Variants in UBE3C observed in about 807,000 individuals in gnomAD.
UBE3C encodes ubiquitin protein ligase E3C.
UBE3C carries 42 observed loss-of-function variants against 129.4 expected under a neutral mutation model. That is an observed-to-expected ratio of 0.32 (90% CI 0.25 to 0.42). The LOEUF is 0.42. UBE3C is among the 10% of genes least tolerant of loss of function. UBE3C has a pLI of 1.00. For missense variants in UBE3C, 1,049 were observed against 1,319.1 expected, an observed-to-expected ratio of 0.80 and a Z score of 3.17; for synonymous variants, 510 against 492.4, an observed-to-expected ratio of 1.04 and a Z score of -0.47.
chr7:157,249,763 A>G (rs1033926089), intron 19 of UBE3C, among the ~76,000 whole-genome samples: 1 of 152,236 alleles, frequency 6.6e-6, no homozygotes, highest in Non-Finnish European at 1.5e-5. Context: ...TGTTTGGGCT[A>G]ATAAGAATAT....
At chr7:157,257,196 A>G (rs113851266) in intron 22 of UBE3C, 152 bp downstream of exon 22, 168 of 1,146,532 alleles carry the variant, frequency 1.5e-4, no homozygotes, top group Non-Finnish European at 1.8e-4. Context: ...TGATGTATAT[A>G]TTTTGGTGCT....
rs544047048 is a variant in UBE3C at position 157,162,369 on chromosome 7, A to T, written c.67-1441A>T. Among the ~76,000 whole-genome samples the T allele has an allele frequency of 9.9e-5, 15 of 151,490 alleles. No homozygotes were observed. The South Asian group carries it at 1.5e-3, about 15-fold the overall frequency. On this transcript the variant is annotated intron_variant, in intron 1 of 22. Coordinates refer to ENST00000348165, the MANE Select transcript of UBE3C (RefSeq NM_014671.3). Reference sequence around the variant, plus strand: ...GCCACCATGCCCGGCTAATTTTTGTATTTTTAGTAGAGACGGGGTTTCACT... The same window carrying T: ...GCCACCATGCCCGGCTAATTTTTGTTTTTTTAGTAGAGACGGGGTTTCACT...
chr7:157,241,605 A>G (rs761447397), intron 18 of UBE3C, among the ~76,000 whole-genome samples: 1 of 152,260 alleles, frequency 6.6e-6, no homozygotes, highest in Non-Finnish European at 1.5e-5. Context: ...TGCATTGCCA[A>G]TGGGAAGATA....
rs556005063 is a variant in UBE3C at position 157,193,085 on chromosome 7, C to T, written c.1331+6064C>T. 1.9e-4 allele frequency among the ~76,000 whole-genome samples: 29 copies of T among 152,294 alleles called. 1 individual carries two copies. The South Asian group carries it at 5.6e-3, about 29-fold the overall frequency. Reference sequence around the variant, plus strand: ...GCGCGCCTGAGTGTCTAAGGCTTACCTCCTACTCTTAGCTCCTAGTTTGTG... The same window carrying T: ...GCGCGCCTGAGTGTCTAAGGCTTACTTCCTACTCTTAGCTCCTAGTTTGTG... On this transcript the variant is annotated intron_variant, in intron 10 of 22. Coordinates refer to ENST00000348165, the MANE Select transcript of UBE3C (RefSeq NM_014671.3).
chr7:157,166,792 A>T (rs1167750998), intron 2 of UBE3C, among the ~76,000 whole-genome samples: 1 of 150,884 alleles, frequency 6.6e-6, no homozygotes, highest in Non-Finnish European at 1.5e-5. Flanking sequence ...TTTCTATTTG[A>T]TTAAAATCTA....
At position 157,187,097 on chromosome 7, in the gene UBE3C, C is replaced by T; in HGVS notation, c.1331+76C>T. 3.4e-6 allele frequency: 5 copies of T among 1,467,826 alleles called. No homozygotes were observed. The South Asian group carries it at 5.4e-5, about 16-fold the overall frequency. The allele number at this position is 1,467,826 out of a possible 1,614,324, so 90.9% of individuals were successfully genotyped here. ...CTTCCTCCCTGGGAATTGCTCTCCT[C>T]TTAAGTTTTGTCTGCTCTTTTCTGG... On this transcript the variant is annotated intron_variant, in intron 10 of 22. Coordinates refer to ENST00000348165, the MANE Select transcript of UBE3C (RefSeq NM_014671.3).
chr7:157,177,891 G>A lies in UBE3C; in HGVS notation c.459-799G>A, dbSNP rs142728400. ...GTGAGGCATTGAAACAGCCTCCTGG[G>A]TCCCTCATTAAAGGTGATGTGTGGT... On this transcript the variant is annotated intron_variant, in intron 5 of 22. Coordinates refer to ENST00000348165, the MANE Select transcript of UBE3C (RefSeq NM_014671.3). 1.6e-4 allele frequency among the ~76,000 whole-genome samples: 24 copies of A among 151,446 alleles called. No homozygotes were observed. In the East Asian group the frequency reaches 4.5e-3, roughly 28 times the overall value.
rs372997452 is a variant in UBE3C at position 157,248,589 on chromosome 7, T to A, written c.2694+9T>A. The stretch of plus-strand genomic sequence containing the variant: ...ACCTGGGAGAGGCGCAGGTGAGGGG[T>A]CAGGAGGAGGATTCACATACCTGTA... On this transcript the variant is annotated intron_variant, in intron 19 of 22. Transcript: ENST00000348165. 7 of 1,611,780 alleles carry A rather than the reference T, an allele frequency of 4.3e-6. No homozygotes were observed. Among genetic ancestry groups the A allele is most frequent in the African/African-American group, 1.3e-5 (1 of 74,810 alleles).
chr7:157,179,706 G>A (rs775589422), intron 6 of UBE3C, among the ~76,000 whole-genome samples: 1 of 152,202 alleles, frequency 6.6e-6, no homozygotes, highest in African/African-American at 2.4e-5. Context: ...ATAAGCAGCT[G>A]TGCTTTCCTT....
rs560281237 is a variant in UBE3C at position 157,207,462 on chromosome 7, C to G, written c.1483C>G (p.Arg495Gly). The stretch of plus-strand genomic sequence containing the variant: ...TCCTATGTCTTTTGAAGATTCTAGT[C>G]GAATCATCCCACTCTTTTATCTTTT... ...GSPMSFEDSS[R>G]IIPLFYLFSS... Residue 495 changes from arginine (R) to glycine (G), a missense_variant, in exon 12 of 23, where the codon CGA becomes GGA. Arg to Gly is a moderately radical substitution (Grantham distance 125). Transcript: ENST00000348165. The G allele has an allele frequency of 6.8e-6, 11 of 1,613,878 alleles. No homozygotes were observed. In the Admixed American group the frequency reaches 1.5e-4, roughly 22 times the overall value.
chr7:157,166,633 G>A (rs781388957), intron 2 of UBE3C, among the ~76,000 whole-genome samples: 19 of 151,604 alleles, frequency 1.3e-4, no homozygotes, highest in East Asian at 3.9e-4. Context: ...CCAGCTCCTC[G>A]GGAGCCTGAG....
At chr7:157,146,876 C>T (rs769893274) in intron 1 of UBE3C, among the ~76,000 whole-genome samples, 1 of 152,156 alleles carries the variant, frequency 6.6e-6, no homozygotes, top group South Asian at 2.1e-4. Flanking sequence ...GTCTTGAACT[C>T]CTGACCTGAA....
chr7:157,256,105 T>C (rs965428314), intron 21 of UBE3C, among the ~76,000 whole-genome samples: 1 of 152,140 alleles, frequency 6.6e-6, no homozygotes, highest in Non-Finnish European at 1.5e-5. Context: ...GCATTCATCT[T>C]TATAGTTACA....
chr7:157,141,594 C>A (rs1407049041), intron 1 of UBE3C, among the ~76,000 whole-genome samples: 1 of 152,194 alleles, frequency 6.6e-6, no homozygotes, highest in Admixed American at 6.5e-5. Flanking sequence ...AACGTAGATA[C>A]AGTAAAAATA....
chr7:157,145,962 C>T lies in UBE3C; in HGVS notation c.66+6624C>T, dbSNP rs555715206. Among the ~76,000 whole-genome samples, 3 of 152,168 alleles carry T rather than the reference C, an allele frequency of 2.0e-5. 1 individual carries two copies. Among genetic ancestry groups the T allele is most frequent in the African/African-American group, 4.8e-5 (2 of 41,518 alleles). On this transcript the variant is annotated intron_variant, in intron 1 of 22. Transcript: ENST00000348165. ...TGTTTTTTTCATGGATCTTGCTTCT[C>T]GCGTTGTGTCTAAAAAGTCATTACC...
chr7:157,257,505 C>T (rs577252372), intron 22 of UBE3C, among the ~76,000 whole-genome samples: 1 of 151,940 alleles, frequency 6.6e-6, no homozygotes, highest in Admixed American at 6.6e-5. Context: ...TTGCCTCAGG[C>T]AGATGGATCA....
At chr7:157,254,395 T>TAAA in intron 21 of UBE3C, 85 bp downstream of exon 21, 1 of 681,958 alleles carries the variant, frequency 1.5e-6, no homozygotes, top group Non-Finnish European at 1.8e-6. Flanking sequence ...TTTTAATTAA[T>TAAA]TTATTTATTT....
Position 157,207,873 on chromosome 7 carries a change from A to G in UBE3C, c.1747A>G (p.Thr583Ala), listed in dbSNP as rs753984729. 1.2e-6 allele frequency: 2 copies of G among 1,613,392 alleles called. No individual in the cohort carries two copies. Among genetic ancestry groups the G allele is most frequent in the East Asian group, 2.2e-5 (1 of 44,882 alleles). Reference protein sequence around the residue: ...ITAFQSIGVTTSSEMQQCIQM... With the variant: ...ITAFQSIGVTASSEMQQCIQM... ...AGCATTTCAGAGTATTGGAGTTACT[A>G]CTAGCTCTGAAATGCAACAATGCAT... Residue 583 changes from threonine (T) to alanine (A), a missense_variant, in exon 13 of 23, where the codon ACT becomes GCT. Transcript: ENST00000348165.
At chr7:157,219,362 T>A (rs928693364) in intron 14 of UBE3C, among the ~76,000 whole-genome samples, 1 of 152,182 alleles carries the variant, frequency 6.6e-6, no homozygotes, top group Admixed American at 6.5e-5. Flanking sequence ...ACACCCACAC[T>A]TGAAGTAGGT....
Sources: allele counts gnomAD v4.1 joint callset (sites outside exome capture counted in the v4.1 genomes callset), GRCh38; gene constraint gnomAD v4.1.1; transcripts MANE v1.5; gene names NCBI Gene and HGNC (gene_info 2026-07-23, HGNC 2026-07-21).